The following SEPTIN9 variants were observed in gnomAD, a reference collection of about 807,000 sequenced individuals.
SEPTIN9 encodes the protein septin 9, also known as septin-9.
In SEPTIN9, 13 loss-of-function variants were observed where a neutral mutation model predicts 56.6. The observed-to-expected ratio is 0.23, with a 90% confidence interval of 0.15 to 0.37. The LOEUF is 0.37. SEPTIN9 is among the 10% of genes least tolerant of loss of function. The pLI, the probability that SEPTIN9 is intolerant of heterozygous loss-of-function variation, is 1.00. For missense variants in SEPTIN9, 650 were observed against 823.1 expected, an observed-to-expected ratio of 0.79 and a Z score of 2.57; for synonymous variants, 332 against 334.1, an observed-to-expected ratio of 0.99 and a Z score of 0.07.
chr17:77,349,654 A>G (rs1433982895), intron 2 of SEPTIN9, among the ~76,000 whole-genome samples: 2 of 152,242 alleles, frequency 1.3e-5, no homozygotes, highest in African/African-American at 4.8e-5. Context: ...AAAAGCCTCC[A>G]GAAACCAGAA....
chr17:77,479,586 G>A lies in SEPTIN9; in HGVS notation c.722-2558G>A, dbSNP rs1341373000. Among the ~76,000 whole-genome samples, 4 of 152,246 alleles carry A rather than the reference G, an allele frequency of 2.6e-5. 1 individual carries two copies. Among genetic ancestry groups the A allele is most frequent in the Non-Finnish European group, 1.5e-5 (1 of 68,038 alleles). The stretch of plus-strand genomic sequence containing the variant: ...GTTGTATTATTATTTCTCAAGCGGG[G>A]CCCCTGGTGGGCAGGATGTTTGGTT... On this transcript the variant is annotated intron_variant, in intron 3 of 11. Transcript: ENST00000427177.
At position 77,319,926 on chromosome 17, in the gene SEPTIN9, G is replaced by A. The variant is rs2032844030; in HGVS notation, c.76+12729G>A. 2.7e-6 allele frequency: 3 copies of A among 1,117,632 alleles called. No individual in the cohort carries two copies. Among genetic ancestry groups the A allele is most frequent in the East Asian group, 9.0e-5 (2 of 22,134 alleles). 69.2% of individuals were successfully genotyped at this position (1,117,632 alleles called of 1,614,324 possible). The stretch of plus-strand genomic sequence containing the variant: ...GAGGAGGCTGCCGGAAGCCGCACTC[G>A]GGACCTCTGCAGCCACCGACCAGAC... On this transcript the variant is annotated intron_variant, in intron 2 of 11. Coordinates refer to ENST00000427177, the MANE Select transcript of SEPTIN9 (RefSeq NM_001113491.2). This position sits in a 1 kb window ranked among gnomAD's most constrained non-coding sequence, Gnocchi z 5.3.
At position 77,433,371 on chromosome 17, in the gene SEPTIN9, GT is replaced by G. The variant is rs754921511; in HGVS notation, c.721+30669del. ...AAGGAGCAGAAAGGGGGTTCGCTAG[GT>G]CAGGGTGGGGCTGGGTGCGAGGACC... On this transcript the variant is annotated intron_variant, in intron 3 of 11. Coordinates refer to ENST00000427177, the MANE Select transcript of SEPTIN9 (RefSeq NM_001113491.2). This position sits in a 1 kb window ranked among gnomAD's most constrained non-coding sequence, Gnocchi z 6.4. Among the ~76,000 whole-genome samples the G allele has an allele frequency of 1.2e-4, 18 of 151,754 alleles. No individual in the cohort carries two copies. The highest frequency in any genetic ancestry group is 6.3e-4 in the South Asian group (3 of 4,782).
intron 1 of SEPTIN9, among the ~76,000 whole-genome samples, chr17:77,304,747 C>T (rs972212458): frequency 3.9e-5 from 6 of 152,126 alleles, no homozygotes; most frequent in African/African-American, 9.7e-5. Flanking sequence ...CTCTCAGCCC[C>T]GGACAGCAGA....
intron 3 of SEPTIN9, among the ~76,000 whole-genome samples, chr17:77,422,569 G>A (rs537888218): frequency 6.6e-6 from 1 of 152,274 alleles, no homozygotes; most frequent in Non-Finnish European, 1.5e-5. Context: ...GCGGATCCTG[G>A]AAAACCATCC....
chr17:77,443,218 T>G (rs2144353586), intron 3 of SEPTIN9, among the ~76,000 whole-genome samples: 1 of 152,194 alleles, frequency 6.6e-6, no homozygotes, highest in African/African-American at 2.4e-5. Flanking sequence ...GGATCCTGGT[T>G]TTGTATCAGC....
chr17:77,328,951 C>A (rs760218307), intron 2 of SEPTIN9, among the ~76,000 whole-genome samples: 2 of 152,144 alleles, frequency 1.3e-5, no homozygotes, highest in African/African-American at 4.8e-5. Context: ...CCAGAAGGAC[C>A]CAGCCAGGCC....
At chr17:77,292,719 C>T (rs1321026651) in intron 1 of SEPTIN9, among the ~76,000 whole-genome samples, 1 of 152,088 alleles carries the variant, frequency 6.6e-6, no homozygotes, top group Non-Finnish European at 1.5e-5. Context: ...GTCTCGAACT[C>T]TTGACCTCAG....
chr17:77,472,170 AAAG>A (rs1244888633), intron 3 of SEPTIN9, among the ~76,000 whole-genome samples: 6 of 152,164 alleles, frequency 3.9e-5, no homozygotes, highest in Non-Finnish European at 8.8e-5. Context: ...GTTGCAAATG[AAAG>A]AACAGAGGAG....
At position 77,499,079 on chromosome 17, in the gene SEPTIN9, C is replaced by G; in HGVS notation, c.*421C>G. 1 of 536,210 alleles carries G rather than the reference C, an allele frequency of 1.9e-6. No homozygotes were observed. The highest frequency in any genetic ancestry group is 3.6e-6 in the Non-Finnish European group (1 of 276,388). 33.2% of individuals were successfully genotyped at this position (536,210 alleles called of 1,614,324 possible). ...GCTGCACGCTCCCCTCCATCCCCAT[C>G]GGCCCTGTCCCCTGGAGTGTGTCAG... is the stretch of plus-strand genomic sequence containing the variant. On this transcript the variant is annotated 3_prime_UTR_variant, in exon 12 of 12. Coordinates refer to ENST00000427177, the MANE Select transcript of SEPTIN9 (RefSeq NM_001113491.2).
chr17:77,309,406 C>T (rs775785987), intron 2 of SEPTIN9, among the ~76,000 whole-genome samples: 7 of 152,262 alleles, frequency 4.6e-5, no homozygotes, highest in Admixed American at 1.3e-4. Context: ...CCCGAGACAC[C>T]CTTTCCTCAT....
chr17:77,488,654 G>A, intron 6 of SEPTIN9, 73 bp from the exon 7 acceptor site: 1 of 1,597,816 alleles, frequency 6.3e-7, no homozygotes, highest in Non-Finnish European at 8.6e-7. Context: ...TGGGCTCTGA[G>A]TCCTGGGAAT....
chr17:77,348,306 T>TG (rs1463150883), intron 2 of SEPTIN9, among the ~76,000 whole-genome samples: 37 of 145,726 alleles, frequency 2.5e-4, no homozygotes, highest in Non-Finnish European at 5.0e-4. Context: ...TTTTTTTTTT[T>TG]TTTTTTTTTT....
rs2039198995 is a variant in SEPTIN9 at position 77,476,001 on chromosome 17, A to C, written c.722-6143A>C. ...GAATGGCATTGACTTGACCCTGAGC[A>C]CTTTGTCCTGGGGTGCAGGCCCGGC... On this transcript the variant is annotated intron_variant, in intron 3 of 11. Transcript: ENST00000427177. The surrounding 1 kb of genome is among the most constrained non-coding windows in gnomAD (Gnocchi z 6.0). 1.5e-6 allele frequency: 2 copies of C among 1,336,814 alleles called. No individual in the cohort carries two copies. The highest frequency in any genetic ancestry group is 1.9e-5 in the Admixed American group (1 of 51,894). 82.8% of individuals were successfully genotyped at this position (1,336,814 alleles called of 1,614,324 possible). A position where few individuals can be genotyped will look rare whatever the true frequency, so the allele number is the denominator to read the frequency against.
chr17:77,303,019 G>C (rs1567982648), intron 1 of SEPTIN9, among the ~76,000 whole-genome samples: 1 of 152,076 alleles, frequency 6.6e-6, no homozygotes, highest in Non-Finnish European at 1.5e-5. Flanking sequence ...CTTTCTGCTT[G>C]GAACGCCGGC....
chr17:77,360,875 T>C (rs2034393743), intron 2 of SEPTIN9, among the ~76,000 whole-genome samples: 1 of 150,744 alleles, frequency 6.6e-6, no homozygotes, highest in African/African-American at 2.4e-5. Flanking sequence ...TTGTTAGAAA[T>C]GTACCAGCCT....
In SEPTIN9 at chr17:77,310,416, C is replaced by A. The variant is rs572505193; in HGVS notation, c.76+3219C>A. Among the ~76,000 whole-genome samples, 4 of 152,344 alleles carry A rather than the reference C, an allele frequency of 2.6e-5. No individual in the cohort carries two copies. In the South Asian group the frequency reaches 8.3e-4, roughly 32 times the overall value. On this transcript the variant is annotated intron_variant, in intron 2 of 11. Coordinates refer to ENST00000427177, the MANE Select transcript of SEPTIN9 (RefSeq NM_001113491.2). This position sits in a 1 kb window ranked among gnomAD's most constrained non-coding sequence, Gnocchi z 4.7. ...GTGGCTGCCCTGCCTGTGCCCACAACGTGACGGCGTGGAGACTTATCCGTG... is the reference window on the plus strand; with the variant it reads ...GTGGCTGCCCTGCCTGTGCCCACAAAGTGACGGCGTGGAGACTTATCCGTG...
At position 77,498,554 on chromosome 17, in the gene SEPTIN9, A is replaced by G. The variant is rs754775705; in HGVS notation, c.1657A>G (p.Ser553Gly). 12 of 1,527,196 alleles carry G rather than the reference A, an allele frequency of 7.9e-6. No homozygotes were observed. In the Admixed American group the frequency reaches 2.1e-4, roughly 27 times the overall value. 94.6% of individuals were successfully genotyped at this position (1,527,196 alleles called of 1,614,324 possible). A position where few individuals can be genotyped will look rare whatever the true frequency, so the allele number is the denominator to read the frequency against. ...CATGCAGAACATCAAGGACATCACC[A>G]GCAGCATCCACTTCGAGGCGTACCG... ...THMQNIKDITSSIHFEAYRVK... is the reference protein window; with the variant it reads ...THMQNIKDITGSIHFEAYRVK... The change falls in exon 12 of 12, where the codon AGC (serine) becomes GGC (glycine). Residue 553 changes from serine to glycine, a missense_variant. Physicochemically the swap from Ser to Gly is moderately conservative, Grantham distance 56. Coordinates refer to ENST00000427177, the MANE Select transcript of SEPTIN9 (RefSeq NM_001113491.2).
At position 77,498,676 on chromosome 17, in the gene SEPTIN9, C is replaced by CCCCGGGGT; in HGVS notation, c.*20_*21insCGGGGTCC. 6.6e-7 allele frequency: 1 copy of CCCCGGGGT among 1,525,766 alleles called. No individual in the cohort carries two copies. 94.5% of individuals were successfully genotyped at this position (1,525,766 alleles called of 1,614,324 possible). A position where few individuals can be genotyped will look rare whatever the true frequency, so the allele number is the denominator to read the frequency against. ...AGATGTAGACGCCACCCTGCCCACC[C>CCCCGGGGT]CCGGGATCCTGCCCCCAAGTCATTT... On this transcript the variant is annotated 3_prime_UTR_variant, in exon 12 of 12. Transcript: ENST00000427177.
Sources: gnomAD v4.1 joint callset for allele counts (sites outside exome capture counted in the v4.1 genomes callset) on GRCh38, gnomAD v4.1.1 for gene constraint, Gnocchi (gnomAD v3.1) non-coding constraint, MANE v1.5 for transcripts, NCBI Gene and HGNC (gene_info 2026-07-23, HGNC 2026-07-21) for gene names.